Variants in TET2 observed in about 807,000 individuals in gnomAD.
TET2 encodes the protein methylcytosine dioxygenase TET2.
In TET2, 299 loss-of-function variants were observed where a neutral mutation model predicts 142.9. The observed-to-expected ratio is 2.09, with a 90% CI of 1.90 to 2.30. TET2 has a LOEUF of 2.30. Among genes scored for constraint, TET2 ranks in the 30% most tolerant of loss-of-function variants. The probability of loss-of-function intolerance (pLI) is 0.00; values close to 1 mark genes in which losing one functional copy is unlikely to be tolerated. For synonymous variants in TET2, 819 were observed against 849.0 expected, an observed-to-expected ratio of 0.96 and a Z score of 0.61; for missense variants, 2,418 against 2,378.0, an observed-to-expected ratio of 1.02 and a Z score of -0.35.
chr4:105,265,117 C>T (rs1047864424), intron 8 of TET2, among the ~76,000 whole-genome samples: 1 of 152,152 alleles, frequency 6.6e-6, no homozygotes, highest in Non-Finnish European at 1.5e-5. Flanking sequence ...ATCTCAAAAT[C>T]GTGTGCTATT....
intron 6 of TET2, among the ~76,000 whole-genome samples, chr4:105,256,250 TC>T (rs1376478211): frequency 6.6e-6 from 1 of 152,170 alleles, no homozygotes; most frequent in Non-Finnish European, 1.5e-5. Flanking sequence ...CTGTCTAGTG[TC>T]CTTTCCTTTC....
intron 1 of TET2, among the ~76,000 whole-genome samples, chr4:105,185,290 G>A (rs1444642620): frequency 6.6e-6 from 1 of 152,136 alleles, no homozygotes; most frequent in Non-Finnish European, 1.5e-5. Context: ...GCTTGTGGAG[G>A]CCATGAAGCA....
chr4:105,185,546 C>T (rs934958467), intron 1 of TET2, among the ~76,000 whole-genome samples: 10 of 151,304 alleles, frequency 6.6e-5, no homozygotes, highest in Non-Finnish European at 1.2e-4. Context: ...TTTCGGAGGC[C>T]GAGGTATGCG....
At chr4:105,252,345 T>C (rs1204711530) in intron 6 of TET2, among the ~76,000 whole-genome samples, 1 of 152,238 alleles carries the variant, frequency 6.6e-6, no homozygotes, top group Non-Finnish European at 1.5e-5. Context: ...CACCATGTCA[T>C]GATCGTTCAT....
At position 105,236,735 on chromosome 4, in the gene TET2, T is replaced by C. The variant is rs767783254; in HGVS notation, c.2793T>C (p.Pro931=). The C allele has an allele frequency of 3.1e-6, 5 of 1,614,140 alleles. No homozygotes were observed. The East Asian group carries it at 1.1e-4, about 36-fold the overall frequency. Reference sequence around the variant, plus strand: ...ACCATGCAAATGTTTTTCCTGTGCCTGACCAGGGAGGAAGTCACACTCAGA... The same window carrying C: ...ACCATGCAAATGTTTTTCCTGTGCCCGACCAGGGAGGAAGTCACACTCAGA... ...IHNHANVFPV[P]DQGGSHTQTP... Residue 931 remains proline, a synonymous_variant, in exon 3 of 11, where the codon CCT becomes CCC. Coordinates refer to ENST00000380013, the MANE Select transcript of TET2 (RefSeq NM_001127208.3).
rs1222260506 is a variant in TET2, at chr4:105,276,098, C to T, written c.5588C>T (p.Ala1863Val). Residue 1863 changes from alanine (A) to valine (V), a missense_variant, in exon 11 of 11, where the codon GCC becomes GTC. Physicochemically the swap from Ala to Val is moderately conservative, Grantham distance 64. Transcript: ENST00000380013. ...SFLDPDIGGV[A>V]VAPTHGSILI... ...CTGGATCCTGACATTGGGGGAGTGGCCGTGGCTCCAACTCATGGGTCAATT... is the reference window on the plus strand; with the variant it reads ...CTGGATCCTGACATTGGGGGAGTGGTCGTGGCTCCAACTCATGGGTCAATT... The T allele has an allele frequency of 6.4e-7, 1 of 1,551,602 alleles. No individual in the cohort carries two copies.
chr4:105,251,373 T>TA (rs1038127974), intron 6 of TET2, among the ~76,000 whole-genome samples: 11 of 152,288 alleles, frequency 7.2e-5, no homozygotes, highest in African/African-American at 2.2e-4. Context: ...AGGTTTTGTT[T>TA]AAAAAAAGAC....
intron 10 of TET2, 126 bp from the exon 11 acceptor site, chr4:105,274,922 G>T (rs2110310387): frequency 2.4e-6 from 3 of 1,240,664 alleles, no homozygotes; most frequent in Non-Finnish European, 2.1e-6. Context: ...TCTTATCTTT[G>T]CTTAATGGGT....
chr4:105,212,274 A>G (rs1727216245), intron 2 of TET2, among the ~76,000 whole-genome samples: 1 of 152,176 alleles, frequency 6.6e-6, no homozygotes. Context: ...TGCTTTGCCA[A>G]ATGATCTATA....
chr4:105,153,707 AGTCT>A (rs2110352980), intron 1 of TET2, among the ~76,000 whole-genome samples: 1 of 152,360 alleles, frequency 6.6e-6, no homozygotes, highest in South Asian at 2.1e-4. Flanking sequence ...TGAGTTAAGC[AGTCT>A]GTCTCTAGTG....
chr4:105,241,595 A>G lies in TET2; in HGVS notation c.3500+166A>G. Reference sequence around the variant, plus strand: ...CACTACACACTGTGCTATTCACCAGAGAGTCACAATATTTGACAGGACTAA... The same window carrying G: ...CACTACACACTGTGCTATTCACCAGGGAGTCACAATATTTGACAGGACTAA... On this transcript the variant is annotated intron_variant, in intron 4 of 10. Coordinates refer to ENST00000380013, the MANE Select transcript of TET2 (RefSeq NM_001127208.3). 2.2e-6 allele frequency: 3 copies of G among 1,366,790 alleles called. No homozygotes were observed. In the East Asian group the frequency reaches 8.3e-5, roughly 38 times the overall value. 84.7% of individuals were successfully genotyped at this position (1,366,790 alleles called of 1,614,324 possible).
At chr4:105,211,058 A>G (rs750836689) in intron 2 of TET2, among the ~76,000 whole-genome samples, 1 of 152,058 alleles carries the variant, frequency 6.6e-6, no homozygotes, top group Non-Finnish European at 1.5e-5. Flanking sequence ...CCTCTTGTTC[A>G]CTGAGAACTA....
intron 1 of TET2, among the ~76,000 whole-genome samples, chr4:105,186,248 A>G (rs1204441301): frequency 1.3e-5 from 2 of 152,162 alleles, no homozygotes; most frequent in Non-Finnish European, 2.9e-5. Context: ...AAACAAAAAA[A>G]CAAAAACAAC....
rs2110311570 is a variant in TET2 at position 105,275,105 on chromosome 4, A to G, written c.4595A>G (p.Gln1532Arg). The G allele has an allele frequency of 1.3e-6, 2 of 1,551,114 alleles. No individual in the cohort carries two copies. Among genetic ancestry groups the G allele is most frequent in the African/African-American group, 1.4e-5 (1 of 73,148 alleles). The change falls in exon 11 of 11, where the codon CAG (glutamine) becomes CGG (arginine). Residue 1532 changes from glutamine to arginine, a missense_variant. Coordinates refer to ENST00000380013, the MANE Select transcript of TET2 (RefSeq NM_001127208.3). ...MQQSQQPQPLQKQPPQPQQQQ... is the reference protein window; with the variant it reads ...MQQSQQPQPLRKQPPQPQQQQ... The stretch of plus-strand genomic sequence containing the variant: ...CAGTCCCAGCAGCCCCAGCCTCTAC[A>G]GAAGCAGCCACCACAGCCCCAGCAG...
chr4:105,156,955 T>A (rs559413949), intron 1 of TET2, among the ~76,000 whole-genome samples: 1 of 152,324 alleles, frequency 6.6e-6, no homozygotes, highest in African/African-American at 2.4e-5. Context: ...ATTTTTATAT[T>A]TGCCATTGGC....
chr4:105,272,975 A>G, intron 10 of TET2, 57 bp downstream of exon 10: 1 of 1,408,554 alleles, frequency 7.1e-7, no homozygotes, highest in Non-Finnish European at 9.5e-7. Context: ...ATTAAAAATG[A>G]AAATTATTTT....
Position 105,275,310 on chromosome 4 carries a change from C to G in TET2, c.4800C>G (p.Thr1600=), listed in dbSNP as rs571001409. 737 of 1,552,044 alleles carry G rather than the reference C, an allele frequency of 4.7e-4. No homozygotes were observed. The highest frequency in any genetic ancestry group is 6.7e-4 in the Middle Eastern group (4 of 5,994). The change falls in exon 11 of 11, where the codon ACC becomes ACG. Residue 1600 remains threonine, a synonymous_variant. Coordinates refer to ENST00000380013, the MANE Select transcript of TET2 (RefSeq NM_001127208.3). ...GSTSPMNFYS[T]SSQAAGSYLN... ...CCAGCCCTATGAACTTCTATTCCAC[C>G]TCATCTCAAGCTGCAGGTTCATATT...
intron 1 of TET2, among the ~76,000 whole-genome samples, chr4:105,168,812 CCA>C (rs1478683124): frequency 6.6e-6 from 1 of 152,130 alleles, no homozygotes; most frequent in Non-Finnish European, 1.5e-5. Flanking sequence ...AGCGTAGCTC[CCA>C]CTTATGAGTG....
chr4:105,256,859 A>G (rs531867614), intron 6 of TET2, among the ~76,000 whole-genome samples: 2 of 151,408 alleles, frequency 1.3e-5, no homozygotes, highest in South Asian at 4.2e-4. Flanking sequence ...CTGCTATTGA[A>G]CCCCTCTAAT....
Sources: allele counts gnomAD v4.1 joint callset (sites outside exome capture counted in the v4.1 genomes callset), GRCh38; gene constraint gnomAD v4.1.1; transcripts MANE v1.5; gene names NCBI Gene and HGNC (gene_info 2026-07-23, HGNC 2026-07-21).